Variants in AMBRA1 observed in about 807,000 individuals in gnomAD.
The protein encoded by AMBRA1 is activating molecule in BECN1-regulated autophagy protein 1.
A neutral mutation model predicts 125.4 loss-of-function variants in AMBRA1; 47 were observed. The ratio of observed to expected loss-of-function variants is 0.37; its 90% CI spans 0.30 to 0.48. The LOEUF is 0.48. Ranked by LOEUF, AMBRA1 falls within the 20% of genes least tolerant of loss-of-function variation. The pLI, the probability that AMBRA1 is intolerant of heterozygous loss-of-function variation, is 0.99. For missense variants in AMBRA1, 1,331 were observed against 1,693.4 expected (o/e 0.79, Z 3.76); for synonymous variants, 626 against 655.5 (o/e 0.95, Z 0.69).
intron 7 of AMBRA1, among the ~76,000 whole-genome samples, chr11:46,529,936 C>G (rs1220457018): frequency 6.6e-6 from 1 of 152,186 alleles, no homozygotes; most frequent in Non-Finnish European, 1.5e-5. Context: ...GCCCACCCCC[C>G]AACCACTCAA....
At chr11:46,467,884 T>C (rs1949395442) in intron 11 of AMBRA1, among the ~76,000 whole-genome samples, 1 of 152,168 alleles carries the variant, frequency 6.6e-6, no homozygotes, top group African/African-American at 2.4e-5. Flanking sequence ...GTTCATTCTT[T>C]CATGTTTACC....
At chr11:46,572,891 A>C (rs1591161044) in intron 1 of AMBRA1, among the ~76,000 whole-genome samples, 1 of 151,934 alleles carries the variant, frequency 6.6e-6, no homozygotes, top group Non-Finnish European at 1.5e-5. Context: ...GGAGTTCAAG[A>C]CCAGCCTGCC....
chr11:46,494,337 G>A lies in AMBRA1; in HGVS notation c.2340-133C>T, dbSNP rs1232457840. The A allele has an allele frequency of 1.1e-5, 7 of 659,756 alleles. No individual in the cohort carries two copies. The East Asian group carries it at 1.9e-4, about 18-fold the overall frequency. The allele number at this position is 659,756 out of a possible 1,614,324, so 40.9% of individuals were successfully genotyped here. On this transcript the variant is annotated intron_variant, in intron 9 of 17. Coordinates refer to ENST00000683756, the MANE Select transcript of AMBRA1 (RefSeq NM_001387011.1). The stretch of plus-strand genomic sequence containing the variant: ...CCCCACATAAATTAGTCATCTGGCT[G>A]CTCACTAATTAGGCAGCACATTAAT...
chr11:46,411,461 G>A (rs1175138874), intron 15 of AMBRA1, among the ~76,000 whole-genome samples: 1 of 152,184 alleles, frequency 6.6e-6, no homozygotes, highest in Non-Finnish European at 1.5e-5. Flanking sequence ...ACCAGGCACT[G>A]AGCCTCCAAA....
intron 11 of AMBRA1, among the ~76,000 whole-genome samples, chr11:46,485,681 C>T (rs1424249717): frequency 6.6e-6 from 1 of 151,958 alleles, no homozygotes; most frequent in African/African-American, 2.4e-5. Context: ...AAAGGGCACA[C>T]GGGTAAAGCA....
chr11:46,449,464 A>G (rs781125232), intron 11 of AMBRA1, among the ~76,000 whole-genome samples: 1 of 152,260 alleles, frequency 6.6e-6, no homozygotes, highest in Non-Finnish European at 1.5e-5. Context: ...GTATAAATCT[A>G]ACAAAATATG....
At chr11:46,458,886 T>C (rs143136515) in intron 11 of AMBRA1, among the ~76,000 whole-genome samples, 1 of 152,382 alleles carries the variant, frequency 6.6e-6, no homozygotes, top group Admixed American at 6.5e-5. Context: ...TAACAGGTCC[T>C]AGACGGCTTT....
chr11:46,437,158 A>G (rs1033628439), intron 12 of AMBRA1, among the ~76,000 whole-genome samples: 1 of 152,356 alleles, frequency 6.6e-6, no homozygotes, highest in African/African-American at 2.4e-5. Context: ...TGTGCAGAGG[A>G]GAGTACAAGT....
In AMBRA1 at chr11:46,417,959, A is replaced by G. The variant is rs774721893; in HGVS notation, c.3070T>C (p.Leu1024=). The G allele has an allele frequency of 6.8e-6, 11 of 1,611,192 alleles. No individual in the cohort carries two copies. Among genetic ancestry groups the G allele is most frequent in the Middle Eastern group, 1.6e-4 (1 of 6,078 alleles). ...TCTCCTTTGTTAGTACCATAGGCCA[A>G]GCCAAGCCCTGGCTCAGGCAGCCAA... The part of the protein sequence containing the change: ...ARWLPEPGLG[L]AYGTNKGDLV... Residue 1024 remains leucine, a synonymous_variant, in exon 15 of 18, where the codon TTG becomes CTG. Transcript: ENST00000683756.
chr11:46,551,880 T>A (rs915739412), intron 1 of AMBRA1, among the ~76,000 whole-genome samples: 1 of 151,606 alleles, frequency 6.6e-6, no homozygotes, highest in South Asian at 2.1e-4. Context: ...ATACAAAAAT[T>A]AGCCAGGCGT....
intron 12 of AMBRA1, among the ~76,000 whole-genome samples, chr11:46,440,118 C>T (rs1038482544): frequency 2.0e-5 from 3 of 152,046 alleles, no homozygotes; most frequent in African/African-American, 7.2e-5. Flanking sequence ...TAGAGATATA[C>T]CTGCATATGT....
chr11:46,429,741 TTC>T (rs1947360891), intron 14 of AMBRA1, among the ~76,000 whole-genome samples: 3 of 152,146 alleles, frequency 2.0e-5, no homozygotes, highest in South Asian at 2.1e-4. Flanking sequence ...TTAATTGCAG[TTC>T]TCTGTTACAA....
intron 1 of AMBRA1, among the ~76,000 whole-genome samples, chr11:46,559,094 G>A (rs535594205): frequency 1.3e-5 from 2 of 152,222 alleles, no homozygotes; most frequent in South Asian, 4.2e-4. Flanking sequence ...GAGGTCAGGA[G>A]TTCGAGACCA....
intron 7 of AMBRA1, among the ~76,000 whole-genome samples, chr11:46,527,499 A>AG: frequency 6.7e-6 from 1 of 149,884 alleles, no homozygotes; most frequent in Non-Finnish European, 1.5e-5. Context: ...AAAAAAAAAA[A>AG]AAAAAGGCAA....
chr11:46,515,837 G>A (rs112609169), intron 7 of AMBRA1, among the ~76,000 whole-genome samples: 1,838 of 152,100 alleles, frequency 0.012, 44 homozygotes, highest in African/African-American at 0.042. Flanking sequence ...CACCACACCC[G>A]GCTAATTTTT....
chr11:46,563,842 CAA>C (rs1262343623), intron 1 of AMBRA1, among the ~76,000 whole-genome samples: 8 of 46,634 alleles, frequency 1.7e-4, no homozygotes, highest in Non-Finnish European at 1.7e-4. Flanking sequence ...GAGACTGTCT[CAA>C]AAAAAAAAAA....
At position 46,426,682 on chromosome 11, in the gene AMBRA1, A is replaced by G. The variant is rs138932121; in HGVS notation, c.2976+6792T>C. ...TATACTTCTTCCCCCTTTTCCTACA[A>G]TGTTCTGAAGAAAAGAACTTTTTGA... is the stretch of plus-strand genomic sequence containing the variant. On this transcript the variant is annotated intron_variant, in intron 14 of 17. Coordinates refer to ENST00000683756, the MANE Select transcript of AMBRA1 (RefSeq NM_001387011.1). Among the ~76,000 whole-genome samples, 989 of 152,194 alleles carry G rather than the reference A, an allele frequency of 6.5e-3. 7 individuals carry two copies. The highest frequency in any genetic ancestry group is 0.022 in the African/African-American group (919 of 41,524).
chr11:46,542,028 C>T lies in AMBRA1; in HGVS notation c.1989G>A (p.Gln663=), dbSNP rs2135166326. ...ETGHWERIYT[Q]SSRSGTVSQE... ...GTGACACAGTTCCAGATCTGCTGGACTGGGTGTAAATTCTTTCCCAGTGGC... is the reference window on the plus strand; with the variant it reads ...GTGACACAGTTCCAGATCTGCTGGATTGGGTGTAAATTCTTTCCCAGTGGC... Residue 663 remains glutamine (Q), a synonymous_variant, in exon 7 of 18, where the codon CAG becomes CAA. Transcript: ENST00000683756. This position sits in a 1 kb window ranked among gnomAD's most constrained non-coding sequence, Gnocchi z 5.9. The T allele has an allele frequency of 6.2e-7, 1 of 1,614,094 alleles. No homozygotes were observed. The highest frequency in any genetic ancestry group is 1.7e-5 in the Admixed American group (1 of 59,984).
chr11:46,481,182 C>T (rs1034358972), intron 11 of AMBRA1, among the ~76,000 whole-genome samples: 6 of 152,166 alleles, frequency 3.9e-5, no homozygotes, highest in Admixed American at 2.6e-4. Context: ...TGCAATTACA[C>T]CCAAACAGCT....
Sources: allele counts gnomAD v4.1 joint callset (sites outside exome capture counted in the v4.1 genomes callset), GRCh38; gene constraint gnomAD v4.1.1; non-coding constraint Gnocchi (gnomAD v3.1); transcripts MANE v1.5; gene names NCBI Gene and HGNC (gene_info 2026-07-23, HGNC 2026-07-21).